POU6F1: variants seen among roughly 807,000 people sequenced by gnomAD.
The protein encoded by POU6F1 is POU domain, class 6, transcription factor 1.
In POU6F1, 9 loss-of-function variants were observed where a neutral mutation model predicts 28.9. The observed-to-expected ratio is 0.31, with a 90% confidence interval of 0.19 to 0.54. POU6F1 has a LOEUF of 0.54. Ranked by LOEUF, POU6F1 falls within the 20% of genes least tolerant of loss-of-function variation. POU6F1 has a pLI of 0.94. For missense variants in POU6F1, 338 were observed against 426.1 expected, an observed-to-expected ratio of 0.79 and a Z score of 1.82; for synonymous variants, 173 against 171.1, an observed-to-expected ratio of 1.01 and a Z score of -0.09.
In POU6F1 at chr12:51,188,177, C is replaced by T. The variant is rs1161033783; in HGVS notation, c.*2070G>A. 5.9e-5 allele frequency: 9 copies of T among 152,252 alleles called. No homozygotes were observed. Among genetic ancestry groups the T allele is most frequent in the Non-Finnish European group, 1.5e-5 (1 of 68,052 alleles). 9.4% of individuals were successfully genotyped at this position (152,252 alleles called of 1,614,324 possible). On this transcript the variant is annotated 3_prime_UTR_variant, in exon 11 of 11. Coordinates refer to ENST00000333640, the MANE Select transcript of POU6F1 (RefSeq NM_001330422.2). ...TCCAGACCTCAAATGATCCGCCCAC[C>T]TCGGCCTTCCAAAGTGTTGGAATTA...
At chr12:51,191,885 G>A (rs532293749) in intron 9 of POU6F1, 121 bp from the exon 10 acceptor site, 7 of 1,207,134 alleles carry the variant, frequency 5.8e-6, no homozygotes, top group South Asian at 5.4e-5. Context: ...AAAGGCTCAC[G>A]CACCTTCAAG....
chr12:51,189,608 G>A lies in POU6F1; in HGVS notation c.*639C>T, dbSNP rs926435894. 6.5e-6 allele frequency: 1 copy of A among 152,870 alleles called. No individual in the cohort carries two copies. The highest frequency in any genetic ancestry group is 2.4e-5 in the African/African-American group (1 of 41,438). 9.5% of individuals were successfully genotyped at this position (152,870 alleles called of 1,614,324 possible). A position where few individuals can be genotyped will look rare whatever the true frequency, so the allele number is the denominator to read the frequency against. On this transcript the variant is annotated 3_prime_UTR_variant, in exon 11 of 11. Coordinates refer to ENST00000333640, the MANE Select transcript of POU6F1 (RefSeq NM_001330422.2). ...AAGGAACCAGGAAGAGGTGGAAGAG[G>A]AGATCCCATGTTCCAGCCCCAGGGG...
At chr12:51,211,068 T>G (rs1943953300) in intron 1 of POU6F1, among the ~76,000 whole-genome samples, 1 of 152,228 alleles carries the variant, frequency 6.6e-6, no homozygotes, top group Non-Finnish European at 1.5e-5. Context: ...TTCCAGTGAC[T>G]AGACAGCCCT....
At chr12:51,212,673 G>A (rs1944070584) in intron 1 of POU6F1, among the ~76,000 whole-genome samples, 5 of 150,462 alleles carry the variant, frequency 3.3e-5, no homozygotes, top group Admixed American at 2.6e-4. Flanking sequence ...CCAGCTACTC[G>A]GGAGGCTGAG....
intron 3 of POU6F1, 48 bp downstream of exon 3, chr12:51,204,125 C>A (rs1028858589): frequency 2.5e-6 from 1 of 398,996 alleles, no homozygotes; most frequent in African/African-American, 2.1e-5. Context: ...ACAGGAGGGA[C>A]TTGGCACTCA....
At chr12:51,212,869 T>C (rs939738306) in intron 1 of POU6F1, among the ~76,000 whole-genome samples, 2 of 151,414 alleles carry the variant, frequency 1.3e-5, no homozygotes, top group Non-Finnish European at 2.9e-5. Context: ...TGCTTAAGTT[T>C]CATGGTGGGT....
rs545928135 is a variant in POU6F1 at position 51,191,490 on chromosome 12, G to A, written c.1490+106C>T. 155 of 1,333,744 alleles carry A rather than the reference G, an allele frequency of 1.2e-4. No homozygotes were observed. In the African/African-American group the frequency reaches 1.7e-3, roughly 14 times the overall value. 82.6% of individuals were successfully genotyped at this position (1,333,744 alleles called of 1,614,324 possible). Reference sequence around the variant, plus strand: ...CTTCCTTATCTGGAAAAAGGCTGGAGCAAGGGGGCATATGGAAAAGGGGCC... The same window carrying A: ...CTTCCTTATCTGGAAAAAGGCTGGAACAAGGGGGCATATGGAAAAGGGGCC... On this transcript the variant is annotated intron_variant, in intron 10 of 10. Coordinates refer to ENST00000333640, the MANE Select transcript of POU6F1 (RefSeq NM_001330422.2).
In POU6F1 at chr12:51,194,527, G is replaced by C. The variant is rs1333509004; in HGVS notation, c.1179+1443C>G. Among the ~76,000 whole-genome samples, 7 of 151,834 alleles carry C rather than the reference G, an allele frequency of 4.6e-5. No individual in the cohort carries two copies. In the East Asian group the frequency reaches 1.4e-3, roughly 30 times the overall value. ...GTGGTGGTGCACACCTGTAGTCCCA[G>C]CTACCGGGGAGGCTGAAGTGGGAGG... On this transcript the variant is annotated intron_variant, in intron 8 of 10. Transcript: ENST00000333640.
chr12:51,205,940 A>T (rs1320563591), intron 2 of POU6F1, among the ~76,000 whole-genome samples: 4 of 145,174 alleles, frequency 2.8e-5, no homozygotes, highest in Non-Finnish European at 4.5e-5. Flanking sequence ...TGCCTCAGCC[A>T]CCCAAGTAGC....
At chr12:51,214,519 C>A (rs1477831128) in intron 1 of POU6F1, among the ~76,000 whole-genome samples, 11 of 152,160 alleles carry the variant, frequency 7.2e-5, no homozygotes, top group Non-Finnish European at 1.2e-4. Context: ...CTGCTCCACA[C>A]CGACGCCTGT....
intron 8 of POU6F1, 115 bp from the exon 9 acceptor site, chr12:51,192,586 G>T (rs898296803): frequency 1.5e-6 from 2 of 1,346,538 alleles, no homozygotes; most frequent in South Asian, 2.8e-5. Context: ...ACGCATGCAG[G>T]ACATTCCCGC....
At position 51,196,869 on chromosome 12, in the gene POU6F1, G is replaced by A; in HGVS notation, c.905C>T (p.Pro302Leu). 2 of 1,613,998 alleles carry A rather than the reference G, an allele frequency of 1.2e-6. No individual in the cohort carries two copies. The highest frequency in any genetic ancestry group is 1.7e-4 in the Middle Eastern group (1 of 6,054). Reference protein sequence around the residue: ...TQILGSLTTAPVITSAIPSMP... With the variant: ...TQILGSLTTALVITSAIPSMP... Reference sequence around the variant, plus strand: ...GCTGGGAATGGCGCTGGTAATGACTGGAGCTGTAGTGAGGGACCCCAGGAT... The same window carrying A: ...GCTGGGAATGGCGCTGGTAATGACTAGAGCTGTAGTGAGGGACCCCAGGAT... Residue 302 changes from proline to leucine, a missense_variant, in exon 7 of 11, where the codon CCA (proline) becomes CTA (leucine). By Grantham distance (98) the Pro-to-Leu change is moderately conservative. This residue lies in a region of POU6F1 where 206 missense variants were observed against 225.6 expected (regional missense o/e 0.91). Coordinates refer to ENST00000333640, the MANE Select transcript of POU6F1 (RefSeq NM_001330422.2).
At chr12:51,208,110 CA>C (rs11316062) in intron 1 of POU6F1, among the ~76,000 whole-genome samples, 22,867 of 136,382 alleles carry the variant, frequency 0.17, 1,901 homozygotes, top group Middle Eastern at 0.21. Context: ...CTGTCTGTAC[CA>C]AAAAAAAAAA....
At chr12:51,207,562 G>A (rs1943711699) in intron 1 of POU6F1, 1 of 152,108 alleles carries the variant, frequency 6.6e-6, no homozygotes, top group Non-Finnish European at 1.5e-5. Flanking sequence ...AGACTTCCTG[G>A]AATAGATGGT....
chr12:51,198,248 A>C, intron 5 of POU6F1: 1 of 396,214 alleles, frequency 2.5e-6, no homozygotes, highest in Non-Finnish European at 4.4e-6. Context: ...CCAGACGTTG[A>C]ATCTTCTTGT....
chr12:51,198,890 G>C (rs1410341809), intron 4 of POU6F1, 115 bp from the exon 5 acceptor site: 1 of 396,928 alleles, frequency 2.5e-6, no homozygotes, highest in Admixed American at 4.4e-5. Context: ...TTCTGAGGGC[G>C]ATGGGCCGAA....
intron 1 of POU6F1, among the ~76,000 whole-genome samples, chr12:51,208,965 T>C (rs975985340): frequency 6.6e-6 from 1 of 152,158 alleles, no homozygotes; most frequent in Non-Finnish European, 1.5e-5. Flanking sequence ...TTCGACTATG[T>C]GAGGACACAG....
intron 7 of POU6F1, 33 bp from the exon 8 acceptor site, chr12:51,196,206 G>T (rs1420713526): frequency 1.2e-5 from 18 of 1,449,274 alleles, no homozygotes; most frequent in Non-Finnish European, 1.6e-5. Flanking sequence ...CCCCAGGTGT[G>T]AGGGTAGCAT....
intron 2 of POU6F1, among the ~76,000 whole-genome samples, chr12:51,206,064 C>A (rs527666688): frequency 8.2e-4 from 123 of 149,494 alleles, no homozygotes; most frequent in African/African-American, 2.8e-3. Context: ...GGTGATCCAC[C>A]CACCTCGGCC....
Sources: allele counts gnomAD v4.1 joint callset (sites outside exome capture counted in the v4.1 genomes callset), GRCh38; gene constraint gnomAD v4.1.1; regional missense constraint gnomAD v4.1.1; transcripts MANE v1.5; gene names NCBI Gene and HGNC (gene_info 2026-07-23, HGNC 2026-07-21).